The following FAM168B variants were observed in gnomAD, a reference collection of about 807,000 sequenced individuals.
FAM168B encodes family with sequence similarity 168 member B.
In FAM168B, 19 loss-of-function variants were observed where a neutral mutation model predicts 21.8. The ratio of observed to expected loss-of-function variants is 0.87; its 90% confidence interval spans 0.61 to 1.28. FAM168B has a LOEUF of 1.28. Among genes scored for constraint, FAM168B ranks in the 50% most tolerant of loss-of-function variants. The pLI, the probability that FAM168B is intolerant of heterozygous loss-of-function variation, is 0.00. For synonymous variants in FAM168B, 126 were observed against 104.8 expected (o/e 1.20, Z -1.24); for missense variants, 233 against 263.1 (o/e 0.89, Z 0.79).
intron 2 of FAM168B, among the ~76,000 whole-genome samples, chr2:131,075,921 A>G (rs1376401511): frequency 6.6e-6 from 1 of 151,918 alleles, no homozygotes; most frequent in African/African-American, 2.4e-5. Flanking sequence ...GGGATCAAAG[A>G]CTCCCAATCT....
intron 3 of FAM168B, among the ~76,000 whole-genome samples, chr2:131,061,465 C>T (rs1385540596): frequency 6.6e-6 from 1 of 151,858 alleles, no homozygotes; most frequent in Admixed American, 6.6e-5. Flanking sequence ...CCACGGATCA[C>T]CACACCCAAA....
At chr2:131,087,951 T>A (rs1452648450) in intron 1 of FAM168B, among the ~76,000 whole-genome samples, 3 of 152,074 alleles carry the variant, frequency 2.0e-5, no homozygotes, top group Non-Finnish European at 4.4e-5. Flanking sequence ...CCAATAATAA[T>A]AAAACTCTAC....
chr2:131,086,723 A>G (rs1358447589), intron 1 of FAM168B, among the ~76,000 whole-genome samples: 1 of 152,234 alleles, frequency 6.6e-6, no homozygotes, highest in East Asian at 1.9e-4. Context: ...ATACATAATA[A>G]GATTAAAAGT....
chr2:131,089,651 G>A (rs1693905441), intron 1 of FAM168B, among the ~76,000 whole-genome samples: 1 of 151,292 alleles, frequency 6.6e-6, no homozygotes. Flanking sequence ...CCGGAAGGCG[G>A]AGCTTGCAAT....
chr2:131,073,899 T>C (rs1395968845), intron 2 of FAM168B, among the ~76,000 whole-genome samples: 7 of 152,214 alleles, frequency 4.6e-5, no homozygotes, highest in Non-Finnish European at 7.3e-5. Context: ...TTAATACAAA[T>C]GAGGAATCTT....
Position 131,051,304 on chromosome 2 carries a change from T to G in FAM168B, c.*1161A>C. The G allele has an allele frequency of 7.1e-6, 7 of 985,312 alleles. No homozygotes were observed. The highest frequency in any genetic ancestry group is 8.4e-6 in the Non-Finnish European group (7 of 829,926). 61.0% of individuals were successfully genotyped at this position (985,312 alleles called of 1,614,324 possible). A position where few individuals can be genotyped will look rare whatever the true frequency, so the allele number is the denominator to read the frequency against. ...ACAGGTTTCTACATTTCCAGACATATCCACGGCCCTGCCTTTCTACAAGAA... is the reference window on the plus strand; with the variant it reads ...ACAGGTTTCTACATTTCCAGACATAGCCACGGCCCTGCCTTTCTACAAGAA... On this transcript the variant is annotated 3_prime_UTR_variant, in exon 7 of 7. Transcript: ENST00000389915.
At chr2:131,072,247 C>T (rs1043193237) in intron 2 of FAM168B, among the ~76,000 whole-genome samples, 1 of 152,080 alleles carries the variant, frequency 6.6e-6, no homozygotes, top group African/African-American at 2.4e-5. Flanking sequence ...CCTCAGCCTT[C>T]CGAAGAGCTG....
intron 3 of FAM168B, among the ~76,000 whole-genome samples, chr2:131,059,654 C>T (rs1692195372): frequency 6.6e-6 from 1 of 152,178 alleles, no homozygotes; most frequent in South Asian, 2.1e-4. Context: ...TGCTAGACTT[C>T]AAAGTTGGGA....
intron 3 of FAM168B, among the ~76,000 whole-genome samples, chr2:131,056,078 G>C (rs1003179628): frequency 6.6e-6 from 1 of 152,150 alleles, no homozygotes; most frequent in African/African-American, 2.4e-5. Flanking sequence ...TCCACTTCTA[G>C]AAGTCTGTCT....
rs1233077376 is a variant in FAM168B at position 131,049,429 on chromosome 2, G to A, written c.*3036C>T. ...ACCAAGAAGAACGTTCTTAACAGATGGCTCACGAGAGACATAAAAGGTTCT... is the reference window on the plus strand; with the variant it reads ...ACCAAGAAGAACGTTCTTAACAGATAGCTCACGAGAGACATAAAAGGTTCT... On this transcript the variant is annotated 3_prime_UTR_variant, in exon 7 of 7. Transcript: ENST00000389915. The A allele has an allele frequency of 1.0e-6, 1 of 985,256 alleles. No homozygotes were observed. The highest frequency in any genetic ancestry group is 1.7e-5 in the African/African-American group (1 of 57,214). 61.0% of individuals were successfully genotyped at this position (985,256 alleles called of 1,614,324 possible).
chr2:131,093,090 G>A (rs1379929931), intron 1 of FAM168B, 124 bp downstream of exon 1: 4 of 150,996 alleles, frequency 2.6e-5, no homozygotes, highest in African/African-American at 4.8e-5. Context: ...GCGCAGCCCA[G>A]GCCGGTCCAG....
At chr2:131,069,636 G>C in intron 3 of FAM168B, among the ~76,000 whole-genome samples, 1 of 151,868 alleles carries the variant, frequency 6.6e-6, no homozygotes, top group African/African-American at 2.4e-5. Flanking sequence ...TGGGACTACA[G>C]GAGCCCGCCA....
intron 3 of FAM168B, among the ~76,000 whole-genome samples, chr2:131,071,039 G>T (rs936303508): frequency 6.6e-6 from 1 of 152,164 alleles, no homozygotes; most frequent in African/African-American, 2.4e-5. Context: ...GGTCATATAG[G>T]GTCATAGTGG....
intron 3 of FAM168B, among the ~76,000 whole-genome samples, chr2:131,059,439 T>TA (rs1421316444): frequency 1.3e-5 from 2 of 152,146 alleles, no homozygotes; most frequent in Non-Finnish European, 2.9e-5. Flanking sequence ...CACCAGCGGG[T>TA]ACCTTCAGCT....
At chr2:131,069,921 C>T (rs1174717028) in intron 3 of FAM168B, among the ~76,000 whole-genome samples, 2 of 151,964 alleles carry the variant, frequency 1.3e-5, no homozygotes, top group African/African-American at 2.4e-5. Context: ...TGCTATGGCA[C>T]GATCTCGGCT....
At chr2:131,069,128 T>C (rs1249434215) in intron 3 of FAM168B, among the ~76,000 whole-genome samples, 3 of 152,242 alleles carry the variant, frequency 2.0e-5, no homozygotes, top group Admixed American at 6.5e-5. Context: ...TAGGCAGTGC[T>C]GCACATTTTT....
intron 3 of FAM168B, among the ~76,000 whole-genome samples, chr2:131,059,244 C>T (rs561331060): frequency 4.9e-4 from 75 of 152,300 alleles, no homozygotes; most frequent in African/African-American, 1.8e-3. Flanking sequence ...AAACCACCAA[C>T]ATAGCAGCAT....
At position 131,092,962 on chromosome 2, in the gene FAM168B, G is replaced by A. The variant is rs186171212; in HGVS notation, c.-12+252C>T. On this transcript the variant is annotated intron_variant, in intron 1 of 6. Transcript: ENST00000389915. ...GACCTTTAGGAGAACGCCCCGCGCCGCGAAGCCACCTCGGCCACCTAGGCG... is the reference window on the plus strand; with the variant it reads ...GACCTTTAGGAGAACGCCCCGCGCCACGAAGCCACCTCGGCCACCTAGGCG... Among the ~76,000 whole-genome samples the A allele has an allele frequency of 7.0e-3, 1,068 of 152,034 alleles. 12 individuals are homozygous for A. The highest frequency in any genetic ancestry group is 0.024 in the African/African-American group (986 of 41,496).
In FAM168B at chr2:131,048,248, CCAGCA is replaced by C; in HGVS notation, c.*4212_*4216del. ...GGCTCTCTAGGGCCTCTCCGTGTGG[CCAGCA>C]CAGCAACCCTGCTAGGAGCACAAAC... On this transcript the variant is annotated 3_prime_UTR_variant, in exon 7 of 7. Coordinates refer to ENST00000389915, the MANE Select transcript of FAM168B (RefSeq NM_001009993.4). 1 of 1,304,084 alleles carries C rather than the reference CCAGCA, an allele frequency of 7.7e-7. No homozygotes were observed. Among genetic ancestry groups the C allele is most frequent in the African/African-American group, 1.5e-5 (1 of 65,992 alleles). The allele number at this position is 1,304,084 out of a possible 1,614,324, so 80.8% of individuals were successfully genotyped here.
Sources: allele counts gnomAD v4.1 joint callset (sites outside exome capture counted in the v4.1 genomes callset), GRCh38; gene constraint gnomAD v4.1.1; transcripts MANE v1.5; gene names NCBI Gene and HGNC (gene_info 2026-07-23, HGNC 2026-07-21).